Variants in GLIPR2 observed in about 807,000 individuals in gnomAD.
The protein encoded by GLIPR2 is GLI pathogenesis related 2, also known as Golgi-associated plant pathogenesis-related protein 1.
A neutral mutation model predicts 20.4 loss-of-function variants in GLIPR2; 21 were observed. The ratio of observed to expected loss-of-function variants is 1.03; its 90% CI spans 0.73 to 1.48. The LOEUF is 1.48. GLIPR2 is among the 40% of genes most tolerant of loss of function. The probability of loss-of-function intolerance (pLI) is 0.00; values close to 1 mark genes in which losing one functional copy is unlikely to be tolerated. For synonymous variants in GLIPR2, 91 were observed against 80.5 expected, an observed-to-expected ratio of 1.13 and a Z score of -0.70; for missense variants, 205 against 200.1, an observed-to-expected ratio of 1.02 and a Z score of -0.15.
At position 36,162,397 on chromosome 9, in the gene GLIPR2, A is replaced by T; in HGVS notation, c.340A>T (p.Lys114Ter). 6.2e-7 allele frequency: 1 copy of T among 1,613,968 alleles called. No homozygotes were observed. Among genetic ancestry groups the T allele is most frequent in the Non-Finnish European group, 8.5e-7 (1 of 1,179,914 alleles). ...GGCCATGGTATGGAAGAACACCAAGAAGATGGGCGTGGGGAAGGCGTCCGC... is the reference window on the plus strand; with the variant it reads ...GGCCATGGTATGGAAGAACACCAAGTAGATGGGCGTGGGGAAGGCGTCCGC... ...FTAMVWKNTK[K>*]MGVGKASASD... The change falls in exon 5 of 5, where the codon AAG becomes TAG. Residue 114 changes from lysine to a stop codon, truncating the protein, a stop_gained. Coordinates refer to ENST00000377960, the MANE Select transcript of GLIPR2 (RefSeq NM_022343.4). LOFTEE classifies it high-confidence loss of function.
At chr9:36,141,855 AG>A in intron 1 of GLIPR2, 1 of 454,326 alleles carries the variant, frequency 2.2e-6, no homozygotes, top group Non-Finnish European at 4.4e-6. Context: ...GAATCTCTAC[AG>A]AGCCTCCAGC....
At chr9:36,158,958 A>G (rs1273587339) in intron 4 of GLIPR2, among the ~76,000 whole-genome samples, 1 of 152,142 alleles carries the variant, frequency 6.6e-6, no homozygotes, top group Non-Finnish European at 1.5e-5. Flanking sequence ...CCAGCTACTC[A>G]GGAGGCTGAG....
chr9:36,159,381 C>T (rs10972762), intron 4 of GLIPR2, among the ~76,000 whole-genome samples: 250 of 152,326 alleles, frequency 1.6e-3, no homozygotes, highest in Non-Finnish European at 2.7e-3. Flanking sequence ...CTAGTGAAGG[C>T]AGAACTGGAG....
chr9:36,148,956 T>G (rs1180911404), intron 3 of GLIPR2, among the ~76,000 whole-genome samples: 1 of 152,188 alleles, frequency 6.6e-6, no homozygotes, highest in East Asian at 1.9e-4. Context: ...AGACCGCTTT[T>G]GTACAGAATC....
chr9:36,149,707 G>A (rs983915449), intron 3 of GLIPR2, among the ~76,000 whole-genome samples: 14 of 152,130 alleles, frequency 9.2e-5, no homozygotes, highest in South Asian at 2.1e-4. Flanking sequence ...TACTCTGGTC[G>A]CACATTGGAA....
chr9:36,151,168 G>T (rs907448209), intron 4 of GLIPR2: 2 of 560,080 alleles, frequency 3.6e-6, no homozygotes, highest in Non-Finnish European at 6.4e-6. Context: ...CCCTCTGAGG[G>T]CCACCAGCTG....
At position 36,147,826 on chromosome 9, in the gene GLIPR2, T is replaced by C. The variant is rs1274330653; in HGVS notation, c.54T>C (p.Asn18=). 3 of 1,600,334 alleles carry C rather than the reference T, an allele frequency of 1.9e-6. No individual in the cohort carries two copies. The highest frequency in any genetic ancestry group is 2.6e-6 in the Non-Finnish European group (3 of 1,167,574). Residue 18 remains asparagine, a synonymous_variant, in exon 2 of 5, where the codon AAT becomes AAC. Coordinates refer to ENST00000377960, the MANE Select transcript of GLIPR2 (RefSeq NM_022343.4). The part of the protein sequence containing the change: ...QFHNEVLKAH[N]EYRQKHGVPP... The stretch of plus-strand genomic sequence containing the variant: ...ATAATGAGGTCCTGAAGGCCCACAA[T>C]GAGTACCGGCAGAAGCACGGCGTCC...
chr9:36,161,253 T>G (rs988656357), intron 4 of GLIPR2, among the ~76,000 whole-genome samples: 1 of 151,916 alleles, frequency 6.6e-6, no homozygotes, highest in Non-Finnish European at 1.5e-5. Flanking sequence ...AGAGGAGGGA[T>G]GCAGACTCCC....
At chr9:36,141,801 G>A (rs769290670) in intron 1 of GLIPR2, 11 of 454,900 alleles carry the variant, frequency 2.4e-5, no homozygotes, top group South Asian at 1.1e-4. Context: ...CCACAGGCGT[G>A]GGTCACCACG....
At chr9:36,139,092 T>TG (rs1323077518) in intron 1 of GLIPR2, among the ~76,000 whole-genome samples, 1 of 151,760 alleles carries the variant, frequency 6.6e-6, no homozygotes, top group Non-Finnish European at 1.5e-5. Context: ...GAGGATGGGA[T>TG]GGATTTGTGA....
intron 4 of GLIPR2, among the ~76,000 whole-genome samples, chr9:36,159,756 C>T (rs1453121376): frequency 6.6e-6 from 1 of 151,980 alleles, no homozygotes; most frequent in African/African-American, 2.4e-5. Flanking sequence ...CACCTGAGGT[C>T]AGGAGTTCAA....
At chr9:36,147,650 G>T in intron 1 of GLIPR2, 136 bp from the exon 2 acceptor site, 1 of 671,364 alleles carries the variant, frequency 1.5e-6, no homozygotes, top group South Asian at 1.5e-5. Context: ...TGGCTGGGGT[G>T]CCAGGTGTTG....
At chr9:36,160,843 A>C (rs1044294133) in intron 4 of GLIPR2, among the ~76,000 whole-genome samples, 2 of 152,152 alleles carry the variant, frequency 1.3e-5, no homozygotes, top group African/African-American at 4.8e-5. Context: ...GGAGTTCAAC[A>C]CCAGCCTGGA....
At chr9:36,152,410 A>G (rs1825625047) in intron 4 of GLIPR2, among the ~76,000 whole-genome samples, 1 of 152,166 alleles carries the variant, frequency 6.6e-6, no homozygotes, top group South Asian at 2.1e-4. Flanking sequence ...GCAAGTTATT[A>G]ACTAGCACTC....
At chr9:36,155,437 T>C (rs1244427712) in intron 4 of GLIPR2, among the ~76,000 whole-genome samples, 1 of 151,890 alleles carries the variant, frequency 6.6e-6, no homozygotes, top group African/African-American at 2.4e-5. Context: ...TTACCAAAAA[T>C]ACAAAAATTA....
chr9:36,155,106 A>G (rs1001626169), intron 4 of GLIPR2, among the ~76,000 whole-genome samples: 2 of 152,248 alleles, frequency 1.3e-5, no homozygotes, highest in African/African-American at 4.8e-5. Context: ...ATTAAACAGC[A>G]GTTAATACAA....
chr9:36,158,946 T>A (rs2132786371), intron 4 of GLIPR2, among the ~76,000 whole-genome samples: 1 of 152,214 alleles, frequency 6.6e-6, no homozygotes, highest in South Asian at 2.1e-4. Flanking sequence ...TCACCTGTAG[T>A]CCCAGCTACT....
intron 1 of GLIPR2, among the ~76,000 whole-genome samples, chr9:36,142,141 TTCTTC>T (rs1231761382): frequency 6.6e-6 from 1 of 152,166 alleles, no homozygotes; most frequent in African/African-American, 2.4e-5. Flanking sequence ...GAAGCCTTCG[TTCTTC>T]TCTTCTCTTC....
In GLIPR2 at chr9:36,148,566, A is replaced by G; in HGVS notation, c.142A>G (p.Ser48Gly). ...CTGCAGGTATTCTGAGGCCCTGGCC[A>G]GCACGAGGATCCTCAAGCACAGCCC... The part of the protein sequence containing the change: ...EAQQYSEALA[S>G]TRILKHSPES... Residue 48 changes from serine (S) to glycine (G), a missense_variant, in exon 3 of 5, where the codon AGC becomes GGC. Ser to Gly is a moderately conservative substitution (Grantham distance 56, BLOSUM62 0). Coordinates refer to ENST00000377960, the MANE Select transcript of GLIPR2 (RefSeq NM_022343.4). The G allele has an allele frequency of 6.2e-7, 1 of 1,613,888 alleles. No individual in the cohort carries two copies. Among genetic ancestry groups the G allele is most frequent in the Non-Finnish European group, 8.5e-7 (1 of 1,179,732 alleles).
Sources: gnomAD v4.1 joint callset for allele counts (sites outside exome capture counted in the v4.1 genomes callset) on GRCh38, gnomAD v4.1.1 for gene constraint, MANE v1.5 for transcripts, NCBI Gene and HGNC (gene_info 2026-07-23, HGNC 2026-07-21) for gene names.